TBL1X: variants seen among roughly 807,000 people sequenced by gnomAD.
TBL1X encodes the protein transducin beta like 1 X-linked, also known as F-box-like/WD repeat-containing protein TBL1X.
TBL1X carries 10 observed loss-of-function variants against 50.7 expected under a neutral mutation model. The observed-to-expected ratio is 0.20, with a 90% confidence interval of 0.12 to 0.33. TBL1X has a LOEUF of 0.33. Among genes scored for constraint, TBL1X ranks in the 10% least tolerant of loss-of-function variants. TBL1X has a pLI of 1.00. For missense variants in TBL1X, 340 were observed against 504.4 expected (o/e 0.67, Z 3.12); for synonymous variants, 190 against 214.7 (o/e 0.88, Z 1.01).
chrX:9,470,877 A>G (rs1273038228), intron 1 of TBL1X, among the ~76,000 whole-genome samples: 2 of 110,916 alleles, frequency 1.8e-5, no homozygotes, highest in Non-Finnish European at 3.8e-5. Flanking sequence ...CAGATGATCC[A>G]CTCGCCTCGG....
intron 5 of TBL1X, among the ~76,000 whole-genome samples, chrX:9,655,354 C>T (rs928157064): frequency 6.3e-5 from 7 of 111,213 alleles, no homozygotes; most frequent in Non-Finnish European, 9.4e-5. Flanking sequence ...CTCCTTGGCT[C>T]GTAGGCACAT....
chrX:9,483,111 C>T lies in TBL1X; in HGVS notation c.-201+17664C>T, dbSNP rs775688318. The stretch of plus-strand genomic sequence containing the variant: ...GGCCTCCTGAAGTGCAGAGGAAGGT[C>T]CCCTCCTCTTTCAAGAGAGTTATCC... On this transcript the variant is annotated intron_variant, in intron 1 of 17. Coordinates refer to ENST00000645353, the MANE Select transcript of TBL1X (RefSeq NM_005647.4). Among the ~76,000 whole-genome samples, 169 of 111,174 alleles carry T rather than the reference C, an allele frequency of 1.5e-3. 1 individual carries two copies. The highest frequency in any genetic ancestry group is 5.3e-3 in the African/African-American group (162 of 30,564).
chrX:9,688,575 T>C lies in TBL1X; in HGVS notation c.616+300T>C, dbSNP rs17255195. The stretch of plus-strand genomic sequence containing the variant: ...GTGATAAACAAAAGTGTTTCATTCA[T>C]GGACACCTTTAGTCTCAGCCTCCAG... On this transcript the variant is annotated intron_variant, in intron 7 of 17. Transcript: ENST00000645353. 9.5e-3 allele frequency among the ~76,000 whole-genome samples: 1,075 copies of C among 112,801 alleles called. 8 individuals are homozygous for C. Among genetic ancestry groups the C allele is most frequent in the Non-Finnish European group, 0.015 (824 of 53,333 alleles).
At chrX:9,527,883 T>C (rs2146970467) in intron 2 of TBL1X, among the ~76,000 whole-genome samples, 1 of 110,785 alleles carries the variant, frequency 9.0e-6, no homozygotes, top group South Asian at 3.9e-4. Flanking sequence ...CCTACAGCCT[T>C]AACGATCCTC....
At chrX:9,587,683 T>G (rs962920161) in intron 2 of TBL1X, among the ~76,000 whole-genome samples, 7 of 111,194 alleles carry the variant, frequency 6.3e-5, no homozygotes, top group African/African-American at 2.3e-4. Context: ...GCATTTGCAG[T>G]GCACAGTTCA....
At chrX:9,482,721 G>T (rs2081889930) in intron 1 of TBL1X, among the ~76,000 whole-genome samples, 1 of 110,507 alleles carries the variant, frequency 9.0e-6, no homozygotes, top group Non-Finnish European at 1.9e-5. Flanking sequence ...TATCTCTATA[G>T]CCAGCACCTT....
Position 9,474,735 on chromosome X carries a change from C to T in TBL1X, c.-201+9288C>T, listed in dbSNP as rs1408985332. Among the ~76,000 whole-genome samples the T allele has an allele frequency of 1.9e-4, 22 of 112,833 alleles. No individual in the cohort carries two copies. The Admixed American group carries it at 2.1e-3, about 11-fold the overall frequency. ...TTTATAAATCAGCTGATTTCATTGA[C>T]GGATGCCCTCAGGGCTCTGGAGAAT... is the stretch of plus-strand genomic sequence containing the variant. On this transcript the variant is annotated intron_variant, in intron 1 of 17. Transcript: ENST00000645353.
rs1427790645 is a variant in TBL1X at position 9,702,567 on chromosome X, C to T, written c.1115-2426C>T. Among the ~76,000 whole-genome samples the T allele has an allele frequency of 2.9e-5, 3 of 104,994 alleles. No individual in the cohort carries two copies. The East Asian group carries it at 8.9e-4, about 31-fold the overall frequency. 91.2% of individuals were successfully genotyped at this position (104,994 alleles called of 115,157 possible). A position where few individuals can be genotyped will look rare whatever the true frequency, so the allele number is the denominator to read the frequency against. On this transcript the variant is annotated intron_variant, in intron 12 of 17. Coordinates refer to ENST00000645353, the MANE Select transcript of TBL1X (RefSeq NM_005647.4). ...GCTGCAGCGAGCTATGATTGTGCCA[C>T]TGCACTCCAGCCTGGGCAACAGCAA... is the stretch of plus-strand genomic sequence containing the variant.
chrX:9,661,567 C>T (rs2082898891), intron 5 of TBL1X, among the ~76,000 whole-genome samples: 1 of 111,831 alleles, frequency 8.9e-6, no homozygotes, highest in African/African-American at 3.3e-5. Context: ...ACTTCACCTG[C>T]AGTGCTTCTC....
At chrX:9,532,354 T>C (rs1659012402) in intron 2 of TBL1X, among the ~76,000 whole-genome samples, 1 of 111,231 alleles carries the variant, frequency 9.0e-6, no homozygotes, top group Admixed American at 9.5e-5. Context: ...ACATTGGGGG[T>C]GAAGCATTTT....
chrX:9,648,836 C>T (rs759258907), intron 3 of TBL1X, among the ~76,000 whole-genome samples: 1 of 112,335 alleles, frequency 8.9e-6, no homozygotes, highest in Non-Finnish European at 1.9e-5. Flanking sequence ...GTGGGAGATC[C>T]ATAATTTACC....
Position 9,716,418 on chromosome X carries a change from A to T in TBL1X, c.*172A>T. ...TATGTTTTCGTAATCTTCATCAAGAAGTTTTTAAAAGGCAAGCAAAAACAG... is the reference window on the plus strand; with the variant it reads ...TATGTTTTCGTAATCTTCATCAAGATGTTTTTAAAAGGCAAGCAAAAACAG... On this transcript the variant is annotated 3_prime_UTR_variant, in exon 18 of 18. Transcript: ENST00000645353. 2.1e-6 allele frequency: 1 copy of T among 469,622 alleles called. No homozygotes were observed. The highest frequency in any genetic ancestry group is 3.5e-6 in the Non-Finnish European group (1 of 288,584). The allele number at this position is 469,622 out of a possible 1,213,427, so 38.7% of individuals were successfully genotyped here. A position where few individuals can be genotyped will look rare whatever the true frequency, so the allele number is the denominator to read the frequency against.
intron 5 of TBL1X, among the ~76,000 whole-genome samples, chrX:9,679,752 C>T (rs914032378): frequency 2.7e-5 from 3 of 111,646 alleles, no homozygotes; most frequent in African/African-American, 9.8e-5. Flanking sequence ...TATGAATGTG[C>T]CCATTAGCCC....
At chrX:9,497,755 TC>T (rs2081978589) in intron 1 of TBL1X, among the ~76,000 whole-genome samples, 1 of 35,821 alleles carries the variant, frequency 2.8e-5, no homozygotes, top group African/African-American at 1.1e-4. Flanking sequence ...CCTCCCTCCC[TC>T]CCTCCCTCCC....
intron 12 of TBL1X, among the ~76,000 whole-genome samples, chrX:9,701,599 A>G (rs189734186): frequency 0.019 from 1,965 of 105,231 alleles, 17 homozygotes; most frequent in Middle Eastern, 0.035. Flanking sequence ...AAAAAAAAGA[A>G]GAAGAAAAAG....
chrX:9,601,968 C>T (rs1052428425), intron 2 of TBL1X, among the ~76,000 whole-genome samples: 1 of 111,415 alleles, frequency 9.0e-6, no homozygotes, highest in Admixed American at 9.5e-5. Flanking sequence ...CCTTTGAAAC[C>T]GGGAGGCGGA....
intron 2 of TBL1X, among the ~76,000 whole-genome samples, chrX:9,522,179 G>A (rs902286633): frequency 2.7e-5 from 3 of 109,385 alleles, no homozygotes; most frequent in Non-Finnish European, 5.7e-5. Flanking sequence ...TACTTTGCCC[G>A]GCTAATTTTT....
rs186705656 is a variant in TBL1X, at chrX:9,483,863, T to C, written c.-200-17917T>C. Among the ~76,000 whole-genome samples the C allele has an allele frequency of 2.7e-3, 304 of 111,211 alleles. 3 individuals carry two copies. The highest frequency in any genetic ancestry group is 6.5e-3 in the East Asian group (23 of 3,536). On this transcript the variant is annotated intron_variant, in intron 1 of 17. Coordinates refer to ENST00000645353, the MANE Select transcript of TBL1X (RefSeq NM_005647.4). ...TTTTCTAGCACTTTTCAGCTGTCCA[T>C]ACGCTAATATGTAGTCTTGGGTCTT...
intron 2 of TBL1X, among the ~76,000 whole-genome samples, chrX:9,608,664 AG>A: frequency 8.9e-6 from 1 of 112,767 alleles, no homozygotes; most frequent in South Asian, 3.7e-4. Flanking sequence ...TCTCTAAAAA[AG>A]CAGTCAAAGT....
Sources: allele counts gnomAD v4.1 joint callset (sites outside exome capture counted in the v4.1 genomes callset), GRCh38; gene constraint gnomAD v4.1.1; transcripts MANE v1.5; gene names NCBI Gene and HGNC (gene_info 2026-07-23, HGNC 2026-07-21).